NAALADL2: variants seen among roughly 807,000 people sequenced by gnomAD.
NAALADL2 encodes inactive N-acetylated-alpha-linked acidic dipeptidase-like protein 2.
A neutral mutation model predicts 87.2 loss-of-function variants in NAALADL2; 76 were observed. That is an observed-to-expected ratio of 0.87 (90% CI 0.72 to 1.05). NAALADL2 has a LOEUF of 1.05. NAALADL2 is among the 50% of genes least tolerant of loss of function. The pLI, the probability that NAALADL2 is intolerant of heterozygous loss-of-function variation, is 0.00. For missense variants in NAALADL2, 1,089 were observed against 945.8 expected (o/e 1.15, Z -1.99); for synonymous variants, 354 against 331.0 (o/e 1.07, Z -0.75).
At chr3:174,567,406 A>G (rs966514355) in intron 2 of NAALADL2, among the ~76,000 whole-genome samples, 2 of 151,576 alleles carry the variant, frequency 1.3e-5, no homozygotes, top group African/African-American at 4.8e-5. Flanking sequence ...TTTTTTCAAT[A>G]TAATTTTTTT....
intron 2 of NAALADL2, among the ~76,000 whole-genome samples, chr3:174,607,936 T>C (rs1032052250): frequency 1.3e-5 from 2 of 151,856 alleles, no homozygotes; most frequent in African/African-American, 4.8e-5. Context: ...CCTCAGCAAA[T>C]GTAAAAGAAC....
chr3:175,431,406 G>A (rs1717737892), intron 5 of NAALADL2, among the ~76,000 whole-genome samples: 1 of 151,998 alleles, frequency 6.6e-6, no homozygotes, highest in Non-Finnish European at 1.5e-5. Flanking sequence ...GACAGTTTAT[G>A]GATAGTATTT....
upstream of NAALADL2, among the ~76,000 whole-genome samples, chr3:174,858,858 T>TATTC (rs1364208302): frequency 2.0e-5 from 3 of 151,962 alleles, no homozygotes; most frequent in Non-Finnish European, 4.4e-5. Context: ...AAAGAAGTTA[T>TATTC]ATTCTTTGCT....
chr3:175,501,242 T>C (rs919966192), intron 9 of NAALADL2, among the ~76,000 whole-genome samples: 3 of 152,144 alleles, frequency 2.0e-5, no homozygotes, highest in Admixed American at 2.0e-4. Context: ...TTGGTTCATA[T>C]ATTTGAATCA....
At chr3:175,517,851 G>C (rs1262249530) in intron 9 of NAALADL2, among the ~76,000 whole-genome samples, 1 of 152,150 alleles carries the variant, frequency 6.6e-6, no homozygotes, top group Non-Finnish European at 1.5e-5. Context: ...ACAGGCTTGA[G>C]GAGGCAGTGT....
chr3:175,186,532 A>G (rs906479697), intron 2 of NAALADL2, among the ~76,000 whole-genome samples: 1 of 152,186 alleles, frequency 6.6e-6, no homozygotes, highest in Non-Finnish European at 1.5e-5. Context: ...GCGACTATCC[A>G]TTGTTGTAAA....
At position 175,160,595 on chromosome 3, in the gene NAALADL2, G is replaced by T. The variant is rs1464137265; in HGVS notation, c.545+63304G>T. Among the ~76,000 whole-genome samples the T allele has an allele frequency of 2.6e-5, 4 of 151,308 alleles. No homozygotes were observed. The East Asian group carries it at 7.8e-4, about 29-fold the overall frequency. On this transcript the variant is annotated intron_variant, in intron 2 of 13. Coordinates refer to ENST00000454872, the MANE Select transcript of NAALADL2 (RefSeq NM_207015.3). ...TTGAGCTCCCAACCTCAGGTGATCCGCCCGCCTCGGCCTCCCAAAGTGCTG... is the reference window on the plus strand; with the variant it reads ...TTGAGCTCCCAACCTCAGGTGATCCTCCCGCCTCGGCCTCCCAAAGTGCTG...
rs557900226 is a variant in NAALADL2, at chr3:175,507,591, T to A, written c.1653+35833T>A. On this transcript the variant is annotated intron_variant, in intron 9 of 13. Transcript: ENST00000454872. ...GTGCCCGTAACCATGCCGAACTAAT[T>A]TTTTGTACTTTTAGTAGAGATGGCG... Among the ~76,000 whole-genome samples, 5 of 152,112 alleles carry A rather than the reference T, an allele frequency of 3.3e-5. No homozygotes were observed. The East Asian group carries it at 9.7e-4, about 30-fold the overall frequency.
intron 4 of NAALADL2, among the ~76,000 whole-genome samples, chr3:175,282,336 A>G (rs1754415128): frequency 6.6e-6 from 1 of 152,062 alleles, no homozygotes; most frequent in Non-Finnish European, 1.5e-5. Context: ...AAAATTTTCA[A>G]TTCTTTGTCT....
chr3:175,367,803 A>G (rs560318813), intron 5 of NAALADL2, among the ~76,000 whole-genome samples: 1 of 152,356 alleles, frequency 6.6e-6, no homozygotes, highest in East Asian at 1.9e-4. Flanking sequence ...GTCTGCAAAC[A>G]GGGACAGTTT....
chr3:175,785,311 G>T (rs200549640), intron 13 of NAALADL2, among the ~76,000 whole-genome samples: 1 of 149,610 alleles, frequency 6.7e-6, no homozygotes, highest in South Asian at 2.1e-4. Flanking sequence ...GGGTGTTAAA[G>T]TCTCCCATTA....
chr3:174,649,138 A>G (rs1159319364), intron 2 of NAALADL2, among the ~76,000 whole-genome samples: 1 of 151,462 alleles, frequency 6.6e-6, no homozygotes, highest in Non-Finnish European at 1.5e-5. Flanking sequence ...TAATTTTTGT[A>G]TTTTTAGTAG....
chr3:175,371,422 C>T (rs1362076976), intron 5 of NAALADL2, among the ~76,000 whole-genome samples: 3 of 152,148 alleles, frequency 2.0e-5, no homozygotes, highest in South Asian at 2.1e-4. Flanking sequence ...CGCCCGCCAC[C>T]GCGCCCGGCT....
At chr3:174,490,888 C>T (rs1029748555) in intron 1 of NAALADL2, among the ~76,000 whole-genome samples, 2 of 151,904 alleles carry the variant, frequency 1.3e-5, no homozygotes, top group African/African-American at 4.8e-5. Flanking sequence ...ATATTTAGTA[C>T]CACCATCAAT....
At chr3:175,111,229 G>C (rs1724138750) in intron 2 of NAALADL2, among the ~76,000 whole-genome samples, 1 of 151,618 alleles carries the variant, frequency 6.6e-6, no homozygotes, top group South Asian at 2.1e-4. Context: ...GGAAAATGAA[G>C]TAATAATGTG....
rs539532644 is a variant in NAALADL2, at chr3:175,532,221, A to G, written c.1654-43820A>G. Among the ~76,000 whole-genome samples, 82 of 152,338 alleles carry G rather than the reference A, an allele frequency of 5.4e-4. 1 individual carries two copies. Among genetic ancestry groups the G allele is most frequent in the African/African-American group, 1.9e-3 (79 of 41,576 alleles). ...CTCCTATTTTAACTGGAGGTCCACA[A>G]TGACATTTTGGGTCCACTGGAATCA... On this transcript the variant is annotated intron_variant, in intron 9 of 13. Transcript: ENST00000454872.
chr3:175,666,589 CATT>C (rs1733032830), intron 11 of NAALADL2, among the ~76,000 whole-genome samples: 1 of 152,114 alleles, frequency 6.6e-6, no homozygotes, highest in South Asian at 2.1e-4. Context: ...CAAAAAATAT[CATT>C]ATTATGCACG....
At chr3:175,522,440 G>A (rs1311730720) in intron 9 of NAALADL2, among the ~76,000 whole-genome samples, 1 of 152,160 alleles carries the variant, frequency 6.6e-6, no homozygotes, top group Admixed American at 6.5e-5. Flanking sequence ...ATAATATCTG[G>A]AGCAGTGAAA....
intron 4 of NAALADL2, among the ~76,000 whole-genome samples, chr3:175,278,075 G>A (rs751459049): frequency 6.6e-6 from 1 of 152,110 alleles, no homozygotes; most frequent in Non-Finnish European, 1.5e-5. Context: ...GCAGTGAGCC[G>A]AGATCGCGCC....
Sources: allele counts gnomAD v4.1 joint callset (sites outside exome capture counted in the v4.1 genomes callset), GRCh38; gene constraint gnomAD v4.1.1; transcripts MANE v1.5; gene names NCBI Gene and HGNC (gene_info 2026-07-23, HGNC 2026-07-21).